The following DIP2C variants were observed in gnomAD, a reference collection of about 807,000 sequenced individuals.
DIP2C encodes the protein DIP2 acetate--CoA ligase C (putative).
Under a neutral mutation model 192.4 loss-of-function variants are expected in DIP2C, and 33 were observed. The ratio of observed to expected loss-of-function variants is 0.17; its 90% confidence interval spans 0.13 to 0.23. The LOEUF (loss-of-function observed/expected upper bound fraction) is 0.23, where lower values mean the gene tolerates loss of function less well. Among genes scored for constraint, DIP2C ranks in the 10% least tolerant of loss-of-function variants. The pLI, the probability that DIP2C is intolerant of heterozygous loss-of-function variation, is 1.00. For missense variants in DIP2C, 1,537 were observed against 2,110.1 expected, an observed-to-expected ratio of 0.73 and a Z score of 5.32; for synonymous variants, 979 against 864.1, an observed-to-expected ratio of 1.13 and a Z score of -2.33.
intron 1 of DIP2C, among the ~76,000 whole-genome samples, chr10:673,704 C>T (rs80078814): frequency 0.011 from 1,721 of 151,954 alleles, 27 homozygotes; most frequent in African/African-American, 0.039. Flanking sequence ...ACCAGAACGT[C>T]CTTGTTTGAC....
intron 1 of DIP2C, among the ~76,000 whole-genome samples, chr10:534,022 G>T (rs775298234): frequency 1.3e-5 from 2 of 151,326 alleles, no homozygotes; most frequent in African/African-American, 4.9e-5. Context: ...AAAGAGGAAC[G>T]TTCTATTTAT....
At chr10:340,622 T>A (rs931976948) in intron 29 of DIP2C, 1 of 389,820 alleles carries the variant, frequency 2.6e-6, no homozygotes, top group African/African-American at 2.1e-5. Context: ...AACATGTATG[T>A]ATAATCAGAC....
chr10:336,416 C>T (rs1183090987), intron 29 of DIP2C, among the ~76,000 whole-genome samples: 1 of 152,196 alleles, frequency 6.6e-6, no homozygotes, highest in Non-Finnish European at 1.5e-5. Context: ...AAGCACAGCA[C>T]ATACAATCAT....
At chr10:543,145 T>C (rs911396985) in intron 1 of DIP2C, among the ~76,000 whole-genome samples, 10 of 152,224 alleles carry the variant, frequency 6.6e-5, no homozygotes, top group African/African-American at 2.4e-4. Context: ...GTGAGATCCA[T>C]GGACATCACC....
chr10:458,026 G>A (rs761861774), intron 3 of DIP2C, among the ~76,000 whole-genome samples: 1 of 152,108 alleles, frequency 6.6e-6, no homozygotes, highest in African/African-American at 2.4e-5. Flanking sequence ...CCACCCGCCC[G>A]AAAGTGCAGT....
At chr10:580,574 TGTA>T (rs1282681429) in intron 1 of DIP2C, among the ~76,000 whole-genome samples, 5 of 152,310 alleles carry the variant, frequency 3.3e-5, no homozygotes, top group African/African-American at 7.2e-5. Flanking sequence ...GTAGGACACA[TGTA>T]GTGTACATAC....
chr10:572,553 CTAT>C (rs1351490469), intron 1 of DIP2C, among the ~76,000 whole-genome samples: 1 of 152,278 alleles, frequency 6.6e-6, no homozygotes, highest in Non-Finnish European at 1.5e-5. Context: ...AAATAGTTTT[CTAT>C]TATTTGTCAC....
chr10:486,351 T>TC lies in DIP2C; in HGVS notation c.157+107dup, dbSNP rs1844014696. 4.6e-6 allele frequency: 5 copies of TC among 1,076,004 alleles called. No individual in the cohort carries two copies. In the South Asian group the frequency reaches 8.5e-5, roughly 18 times the overall value. 66.7% of individuals were successfully genotyped at this position (1,076,004 alleles called of 1,614,324 possible). A position where few individuals can be genotyped will look rare whatever the true frequency, so the allele number is the denominator to read the frequency against. On this transcript the variant is annotated intron_variant, in intron 2 of 36. Transcript: ENST00000280886. ...GCCTGGAGGGTGAACGCCAGACGCC[T>TC]CCTCCTGCCGACTGGGAAGCAAGGG...
intron 25 of DIP2C, among the ~76,000 whole-genome samples, 160 bp from the exon 26 acceptor site, chr10:348,922 C>T (rs889889817): frequency 2.0e-5 from 3 of 152,182 alleles, no homozygotes; most frequent in Non-Finnish European, 2.9e-5. Flanking sequence ...TCAGCTTTGG[C>T]GGTCACTGTC....
rs569257490 is a variant in DIP2C, at chr10:378,583, A to C, written c.1991+4064T>G. Among the ~76,000 whole-genome samples the C allele has an allele frequency of 6.5e-5, 6 of 92,746 alleles. No homozygotes were observed. In the East Asian group the frequency reaches 3.0e-3, roughly 46 times the overall value. 60.8% of individuals were successfully genotyped at this position (92,746 alleles called of 152,430 possible). On this transcript the variant is annotated intron_variant, in intron 17 of 36. Transcript: ENST00000280886. ...TGAACACAAACATGCAGACATGTGA[A>C]CGCAGACATAGACACACATGAACAG...
chr10:382,452 T>C (rs1962462394), intron 17 of DIP2C, 195 bp downstream of exon 17: 5 of 518,336 alleles, frequency 9.6e-6, no homozygotes, highest in African/African-American at 3.8e-5. Flanking sequence ...CGATAAATGT[T>C]TTTTAATGAA....
intron 32 of DIP2C, among the ~76,000 whole-genome samples, chr10:299,559 A>G (rs1955921102): frequency 6.6e-6 from 1 of 152,264 alleles, no homozygotes; most frequent in African/African-American, 2.4e-5. Flanking sequence ...TGTTAAAGGA[A>G]CAGTCATGTG....
chr10:674,820 A>G (rs1443174979), intron 1 of DIP2C, among the ~76,000 whole-genome samples: 1 of 147,070 alleles, frequency 6.8e-6, no homozygotes, highest in African/African-American at 2.5e-5. Context: ...AGAGAGAGAG[A>G]GAGAGAGAGA....
At chr10:396,699 T>C (rs912770153) in intron 10 of DIP2C, among the ~76,000 whole-genome samples, 2 of 152,118 alleles carry the variant, frequency 1.3e-5, no homozygotes, top group African/African-American at 4.8e-5. Context: ...TAAGCATGAC[T>C]GGAGTCCTCC....
At chr10:446,802 T>C (rs761704641) in intron 3 of DIP2C, among the ~76,000 whole-genome samples, 1 of 152,224 alleles carries the variant, frequency 6.6e-6, no homozygotes, top group Non-Finnish European at 1.5e-5. Flanking sequence ...TTTCAACAGA[T>C]GTTTTTCAGC....
rs868716775 is a variant in DIP2C at position 362,472 on chromosome 10, C to T, written c.2794+18G>A. On this transcript the variant is annotated intron_variant, in intron 22 of 36. Transcript: ENST00000280886. ...GGGAACTCCCGCACCTCACAAGCTGCCCAAGTGGTGCACATACCTGGCTGC... is the reference window on the plus strand; with the variant it reads ...GGGAACTCCCGCACCTCACAAGCTGTCCAAGTGGTGCACATACCTGGCTGC... 2 of 1,611,786 alleles carry T rather than the reference C, an allele frequency of 1.2e-6. No individual in the cohort carries two copies. The highest frequency in any genetic ancestry group is 1.9e-4 in the Middle Eastern group (1 of 5,374).
intron 8 of DIP2C, among the ~76,000 whole-genome samples, chr10:410,215 C>T (rs1407806989): frequency 1.3e-5 from 2 of 152,234 alleles, no homozygotes; most frequent in Non-Finnish European, 2.9e-5. Context: ...GAATGATTAT[C>T]TTTGATTGTT....
At chr10:536,985 AAAG>A (rs1331859819) in intron 1 of DIP2C, among the ~76,000 whole-genome samples, 2 of 152,184 alleles carry the variant, frequency 1.3e-5, no homozygotes, top group African/African-American at 4.8e-5. Context: ...AAGATGAACA[AAAG>A]AAGGTGGGCA....
chr10:499,035 G>A (rs576844617), intron 1 of DIP2C, among the ~76,000 whole-genome samples: 7 of 152,302 alleles, frequency 4.6e-5, no homozygotes, highest in African/African-American at 1.4e-4. Context: ...CAGTTTTCAT[G>A]CAAGGCACTG....
Sources: gnomAD v4.1 joint callset for allele counts (sites outside exome capture counted in the v4.1 genomes callset) on GRCh38, gnomAD v4.1.1 for gene constraint, MANE v1.5 for transcripts, NCBI Gene and HGNC (gene_info 2026-07-23, HGNC 2026-07-21) for gene names.